Variants in TBC1D31 observed in about 807,000 individuals in gnomAD.
TBC1D31 encodes the protein TBC1 domain family member 31.
TBC1D31 carries 99 observed loss-of-function variants against 132.9 expected under a neutral mutation model. The observed-to-expected ratio is 0.74, with a 90% CI of 0.63 to 0.88. The LOEUF is 0.88. TBC1D31 is among the 40% of genes least tolerant of loss of function. The pLI, the probability that TBC1D31 is intolerant of heterozygous loss-of-function variation, is 0.00. For missense variants in TBC1D31, 1,134 were observed against 1,256.6 expected (o/e 0.90, Z 1.48); for synonymous variants, 385 against 419.4 (o/e 0.92, Z 1.00).
At chr8:123,139,598 G>A (rs1031860910) in intron 17 of TBC1D31, among the ~76,000 whole-genome samples, 5 of 152,068 alleles carry the variant, frequency 3.3e-5, no homozygotes, top group South Asian at 2.1e-4. Flanking sequence ...TCTAGATTCC[G>A]CTTCCTGGTT....
chr8:123,084,485 C>A (rs1586564492), intron 4 of TBC1D31, 145 bp downstream of exon 4: 1 of 704,664 alleles, frequency 1.4e-6, no homozygotes, highest in Non-Finnish European at 2.3e-6. Context: ...GTGGCCAACA[C>A]AAAGATGTTG....
chr8:123,089,987 C>T (rs1405717744), intron 4 of TBC1D31, among the ~76,000 whole-genome samples: 1 of 152,176 alleles, frequency 6.6e-6, no homozygotes, highest in Non-Finnish European at 1.5e-5. Context: ...ACACATCTGG[C>T]CCCAAGGGTT....
At chr8:123,090,430 T>C (rs1816211476) in intron 4 of TBC1D31, among the ~76,000 whole-genome samples, 1 of 152,184 alleles carries the variant, frequency 6.6e-6, no homozygotes, top group Non-Finnish European at 1.5e-5. Context: ...AGCTCATTAG[T>C]TAAGGATTTT....
intron 16 of TBC1D31, among the ~76,000 whole-genome samples, chr8:123,131,175 C>T (rs930546541): frequency 7.3e-5 from 11 of 151,400 alleles, no homozygotes; most frequent in Admixed American, 1.3e-4. Flanking sequence ...ACCAGCCTGG[C>T]CAACATGGTG....
chr8:123,086,365 G>C (rs1316522739), intron 4 of TBC1D31, among the ~76,000 whole-genome samples: 1 of 152,174 alleles, frequency 6.6e-6, no homozygotes, highest in Non-Finnish European at 1.5e-5. Flanking sequence ...CAATGAAGTA[G>C]GCAGTGTTTA....
intron 10 of TBC1D31, among the ~76,000 whole-genome samples, chr8:123,114,207 G>A (rs1489692394): frequency 6.6e-6 from 1 of 152,198 alleles, no homozygotes; most frequent in East Asian, 1.9e-4. Flanking sequence ...TGGATTTATT[G>A]TTGTAGCCAG....
chr8:123,109,095 A>G (rs1818220955), intron 8 of TBC1D31, among the ~76,000 whole-genome samples: 1 of 152,180 alleles, frequency 6.6e-6, no homozygotes, highest in African/African-American at 2.4e-5. Context: ...AAGTTTGTCA[A>G]GCTTGTTTAG....
chr8:123,088,792 T>G (rs1424290517), intron 4 of TBC1D31, among the ~76,000 whole-genome samples: 1 of 152,214 alleles, frequency 6.6e-6, no homozygotes, highest in Non-Finnish European at 1.5e-5. Flanking sequence ...TCACACAGTC[T>G]TCTACTTTTT....
intron 11 of TBC1D31, among the ~76,000 whole-genome samples, chr8:123,124,726 G>A (rs1819862042): frequency 1.3e-5 from 2 of 150,256 alleles, no homozygotes; most frequent in African/African-American, 4.9e-5. Context: ...TCAGGGGTTC[G>A]AGACCAAACT....
chr8:123,109,237 C>A, intron 8 of TBC1D31, 80 bp from the exon 9 acceptor site: 1 of 990,482 alleles, frequency 1.0e-6, no homozygotes, highest in Non-Finnish European at 1.5e-6. Context: ...GTTGGGAAGT[C>A]ACTGTGGACT....
At chr8:123,110,648 C>T (rs1371201926) in intron 10 of TBC1D31, among the ~76,000 whole-genome samples, 13 of 152,104 alleles carry the variant, frequency 8.5e-5, no homozygotes, top group Admixed American at 7.2e-4. Context: ...CTCTACACCC[C>T]ACATCCCAAC....
chr8:123,157,013 A>G (rs1235439329), downstream of TBC1D31, among the ~76,000 whole-genome samples: 1 of 152,190 alleles, frequency 6.6e-6, no homozygotes, highest in African/African-American at 2.4e-5. Flanking sequence ...GGGCAGGTCG[A>G]GCAGTCGGGG....
chr8:123,141,750 A>G (rs1194790099), intron 18 of TBC1D31, among the ~76,000 whole-genome samples: 1 of 150,568 alleles, frequency 6.6e-6, no homozygotes, highest in Non-Finnish European at 1.5e-5. Flanking sequence ...TCTCCTCTTC[A>G]GAGTGCTGAA....
chr8:123,098,243 T>C (rs760580544), intron 6 of TBC1D31, among the ~76,000 whole-genome samples: 8 of 152,212 alleles, frequency 5.3e-5, no homozygotes, highest in Admixed American at 2.0e-4. Flanking sequence ...ACTGTTGTTA[T>C]ATATAGTGTT....
At chr8:123,161,952 A>C in the TBC1D31 span, among the ~76,000 whole-genome samples, 1 of 130,882 alleles carries the variant, frequency 7.6e-6, no homozygotes, top group Non-Finnish European at 1.6e-5. Flanking sequence ...CGAGAGGCGG[A>C]GGTTGCAGTG....
At chr8:123,143,851 G>C (rs936989442) in intron 19 of TBC1D31, among the ~76,000 whole-genome samples, 1 of 152,172 alleles carries the variant, frequency 6.6e-6, no homozygotes, top group African/African-American at 2.4e-5. Context: ...ATTCACTGCT[G>C]CTGGACTTTG....
rs889052080 is a variant in TBC1D31, at chr8:123,144,872, C to G, written c.2974+17C>G. 6.3e-7 allele frequency: 1 copy of G among 1,596,162 alleles called. No homozygotes were observed. The highest frequency in any genetic ancestry group is 1.4e-5 in the African/African-American group (1 of 73,564). ...GTCATAAAGGTGAGTGTCTGAGAGG[C>G]CTTTCTCTCCATGATGTTACAGATT... On this transcript the variant is annotated intron_variant, in intron 20 of 21. Transcript: ENST00000287380.
the TBC1D31 span, among the ~76,000 whole-genome samples, chr8:123,159,170 A>G: frequency 1.3e-5 from 2 of 151,758 alleles, no homozygotes; most frequent in African/African-American, 2.4e-5. Context: ...AATTACAAAC[A>G]GCCCCACTTT....
the TBC1D31 span, among the ~76,000 whole-genome samples, chr8:123,164,209 C>T: frequency 6.6e-6 from 1 of 152,204 alleles, no homozygotes; most frequent in Non-Finnish European, 1.5e-5. Flanking sequence ...ACCAGCCATT[C>T]ACTAAGGTAT....
Sources: allele counts gnomAD v4.1 joint callset (sites outside exome capture counted in the v4.1 genomes callset), GRCh38; gene constraint gnomAD v4.1.1; transcripts MANE v1.5; gene names NCBI Gene and HGNC (gene_info 2026-07-23, HGNC 2026-07-21).